The following XPR1 variants were observed in gnomAD, a reference collection of about 807,000 sequenced individuals.
XPR1 encodes solute carrier family 53 member 1.
A neutral mutation model predicts 87.5 loss-of-function variants in XPR1; 28 were observed. That is an observed-to-expected ratio of 0.32 (90% confidence interval 0.24 to 0.44). The LOEUF (loss-of-function observed/expected upper bound fraction) is 0.44. Ranked by LOEUF, XPR1 falls within the 20% of genes least tolerant of loss-of-function variation. XPR1 has a pLI of 1.00. For missense variants in XPR1, 559 were observed against 862.3 expected, an observed-to-expected ratio of 0.65 and a Z score of 4.41; for synonymous variants, 300 against 306.1, an observed-to-expected ratio of 0.98 and a Z score of 0.21.
At chr1:180,797,576 AT>A (rs1441299102) in intron 3 of XPR1, among the ~76,000 whole-genome samples, 2 of 152,244 alleles carry the variant, frequency 1.3e-5, no homozygotes, top group Non-Finnish European at 2.9e-5. Context: ...GACTGAGGAC[AT>A]TAAACAATTA....
intron 3 of XPR1, 38 bp from the exon 4 acceptor site, chr1:180,803,350 A>G (rs371433499): frequency 1.9e-6 from 3 of 1,572,402 alleles, no homozygotes; most frequent in African/African-American, 1.4e-5. Context: ...GAACTTTTTT[A>G]TCTTACTGAT....
At chr1:180,667,067 C>T (rs375181754) in intron 1 of XPR1, among the ~76,000 whole-genome samples, 2 of 152,120 alleles carry the variant, frequency 1.3e-5, no homozygotes, top group East Asian at 1.9e-4. Context: ...AGGTGCATGC[C>T]ACACTTGGCT....
At chr1:180,732,571 A>T (rs1280991017) in intron 2 of XPR1, among the ~76,000 whole-genome samples, 1 of 152,050 alleles carries the variant, frequency 6.6e-6, no homozygotes, top group Non-Finnish European at 1.5e-5. Context: ...AGGGTGTGCA[A>T]TGGGGGAGTG....
At chr1:180,809,149 A>C (rs2102127268) in intron 6 of XPR1, among the ~76,000 whole-genome samples, 1 of 152,310 alleles carries the variant, frequency 6.6e-6, no homozygotes, top group Admixed American at 6.5e-5. Context: ...GAGAGAAAGC[A>C]GAAAAAAAAG....
Position 180,632,069 on chromosome 1 carries a change from C to G in XPR1, c.-133C>G, listed in dbSNP as rs949693286. On this transcript the variant is annotated 5_prime_UTR_variant, in exon 1 of 15. Coordinates refer to ENST00000367590, the MANE Select transcript of XPR1 (RefSeq NM_004736.4). ...CGGGCGGGCTGCTCTGAAGAGACCTCGGCGGCGGCGGAGGAGGAGAGAAGC... is the reference window on the plus strand; with the variant it reads ...CGGGCGGGCTGCTCTGAAGAGACCTGGGCGGCGGCGGAGGAGGAGAGAAGC... 1 of 1,047,116 alleles carries G rather than the reference C, an allele frequency of 9.6e-7. No individual in the cohort carries two copies. The highest frequency in any genetic ancestry group is 1.4e-5 in the South Asian group (1 of 73,522). The allele number at this position is 1,047,116 out of a possible 1,614,324, so 64.9% of individuals were successfully genotyped here. A position where few individuals can be genotyped will look rare whatever the true frequency, so the allele number is the denominator to read the frequency against.
intron 11 of XPR1, among the ~76,000 whole-genome samples, chr1:180,838,233 A>G (rs1286566253): frequency 6.6e-6 from 1 of 152,180 alleles, no homozygotes; most frequent in Non-Finnish European, 1.5e-5. Flanking sequence ...GGAAGAGAAA[A>G]TATCTTTCCT....
At chr1:180,702,303 A>C (rs1262724017) in intron 2 of XPR1, among the ~76,000 whole-genome samples, 15 of 129,660 alleles carry the variant, frequency 1.2e-4, no homozygotes, top group African/African-American at 4.5e-4. Context: ...TCTGAGAGAT[A>C]GTTTGTTATA....
chr1:180,709,072 C>T (rs199726018), intron 2 of XPR1, among the ~76,000 whole-genome samples: 2 of 152,040 alleles, frequency 1.3e-5, no homozygotes, highest in African/African-American at 2.4e-5. Flanking sequence ...CCACCACACC[C>T]GGCTGATTTT....
rs998859067 is a variant in XPR1 at position 180,813,043 on chromosome 1, C to CG, written c.763+1555_763+1556insG. On this transcript the variant is annotated intron_variant, in intron 7 of 14. Coordinates refer to ENST00000367590, the MANE Select transcript of XPR1 (RefSeq NM_004736.4). ...TTATAGCTACTAGTGTCTTTTTTCC[C>CG]CCCCCCCAATGGAAGTTAGATCATG... Among the ~76,000 whole-genome samples the CG allele has an allele frequency of 4.1e-4, 58 of 142,282 alleles. No individual in the cohort carries two copies. The East Asian group carries it at 0.014, about 34-fold the overall frequency. The allele number at this position is 142,282 out of a possible 152,430, so 93.3% of individuals were successfully genotyped here. A position where few individuals can be genotyped will look rare whatever the true frequency, so the allele number is the denominator to read the frequency against.
At chr1:180,764,783 T>A (rs1312335573) in intron 2 of XPR1, among the ~76,000 whole-genome samples, 8 of 60,424 alleles carry the variant, frequency 1.3e-4, no homozygotes, top group African/African-American at 7.9e-4. Flanking sequence ...TGGATAATTT[T>A]TTTTCTTTTT....
chr1:180,764,975 C>T (rs1339400171), intron 2 of XPR1, among the ~76,000 whole-genome samples: 1 of 150,266 alleles, frequency 6.7e-6, no homozygotes, highest in Non-Finnish European at 1.5e-5. Flanking sequence ...TTAGTAGAGA[C>T]GGGGTTTCAC....
intron 11 of XPR1, among the ~76,000 whole-genome samples, chr1:180,843,201 T>C (rs1651572362): frequency 6.6e-6 from 1 of 151,686 alleles, no homozygotes; most frequent in Non-Finnish European, 1.5e-5. Context: ...TATGCCAAAA[T>C]GTCCACATTT....
At chr1:180,811,293 T>C in intron 6 of XPR1, 114 bp from the exon 7 acceptor site, 1 of 854,272 alleles carries the variant, frequency 1.2e-6, no homozygotes, top group East Asian at 2.8e-5. Flanking sequence ...TTTAGAACAT[T>C]AAATATTATT....
At chr1:180,656,522 T>TTTATATATAATA (rs1655516566) in intron 1 of XPR1, among the ~76,000 whole-genome samples, 5 of 71,390 alleles carry the variant, frequency 7.0e-5, no homozygotes, top group Non-Finnish European at 1.0e-4. Context: ...ATATATAATA[T>TTTATATATAATA]TTATATATTA....
At chr1:180,692,956 A>T (rs1360726567) in intron 2 of XPR1, among the ~76,000 whole-genome samples, 1 of 152,170 alleles carries the variant, frequency 6.6e-6, no homozygotes, top group Non-Finnish European at 1.5e-5. Context: ...ATCACCTGTA[A>T]AAGTCACTAA....
At chr1:180,862,270 CCA>C (rs1422320309) in intron 11 of XPR1, among the ~76,000 whole-genome samples, 2 of 152,062 alleles carry the variant, frequency 1.3e-5, no homozygotes, top group African/African-American at 4.8e-5. Context: ...CGAAGGCGTT[CCA>C]CAGTCAGACC....
chr1:180,640,619 A>G (rs527352031), intron 1 of XPR1, among the ~76,000 whole-genome samples: 34 of 151,594 alleles, frequency 2.2e-4, no homozygotes, highest in African/African-American at 8.2e-4. Flanking sequence ...TTTTAGTCCC[A>G]GGTCTTAGTC....
intron 1 of XPR1, among the ~76,000 whole-genome samples, chr1:180,654,243 C>G (rs1048950501): frequency 6.6e-6 from 1 of 151,684 alleles, no homozygotes; most frequent in Non-Finnish European, 1.5e-5. Flanking sequence ...TAGCTTCTGC[C>G]CCATCACTCT....
intron 1 of XPR1, among the ~76,000 whole-genome samples, chr1:180,649,784 CT>C (rs1252079506): frequency 6.6e-6 from 1 of 152,122 alleles, no homozygotes; most frequent in Non-Finnish European, 1.5e-5. Flanking sequence ...TTCCTCCATC[CT>C]TTAATTAACT....
Sources: allele counts gnomAD v4.1 joint callset (sites outside exome capture counted in the v4.1 genomes callset), GRCh38; gene constraint gnomAD v4.1.1; transcripts MANE v1.5; gene names NCBI Gene and HGNC (gene_info 2026-07-23, HGNC 2026-07-21).